BICC1: variants seen among roughly 807,000 people sequenced by gnomAD.
BICC1 encodes protein bicaudal C homolog 1.
BICC1 carries 43 observed loss-of-function variants against 111.0 expected under a neutral mutation model. The ratio of observed to expected loss-of-function variants is 0.39; its 90% CI spans 0.30 to 0.50. BICC1 has a LOEUF of 0.50. Ranked by LOEUF, BICC1 falls within the 20% of genes least tolerant of loss-of-function variation. The pLI, the probability that BICC1 is intolerant of heterozygous loss-of-function variation, is 0.88. For missense variants in BICC1, 1,091 were observed against 1,203.2 expected (o/e 0.91, Z 1.38); for synonymous variants, 467 against 434.4 (o/e 1.07, Z -0.93).
chr10:58,719,894 A>G (rs992057682), intron 3 of BICC1, among the ~76,000 whole-genome samples: 1 of 152,226 alleles, frequency 6.6e-6, no homozygotes, highest in African/African-American at 2.4e-5. Context: ...TTCCCAACTG[A>G]ACATAAATAC....
chr10:58,612,580 C>T (rs1357475933), intron 1 of BICC1, among the ~76,000 whole-genome samples: 2 of 138,456 alleles, frequency 1.4e-5, no homozygotes, highest in African/African-American at 5.5e-5. Context: ...CTCTTAGTTG[C>T]AAATGTGTTG....
At chr10:58,588,987 G>A (rs1182405240) in intron 1 of BICC1, among the ~76,000 whole-genome samples, 1 of 152,142 alleles carries the variant, frequency 6.6e-6, no homozygotes, top group Non-Finnish European at 1.5e-5. Context: ...AAAGGAGGGT[G>A]AGTTGGTCAC....
At chr10:58,694,825 T>C (rs755322875) in intron 2 of BICC1, among the ~76,000 whole-genome samples, 4 of 152,166 alleles carry the variant, frequency 2.6e-5, no homozygotes, top group Admixed American at 6.5e-5. Context: ...GCCACTCTGC[T>C]GCTGCTCAGT....
chr10:58,819,981 A>T (rs1057188518), intron 19 of BICC1, among the ~76,000 whole-genome samples: 17 of 152,160 alleles, frequency 1.1e-4, no homozygotes, highest in African/African-American at 4.1e-4. Context: ...AACACAAAGG[A>T]AGATGCCATC....
intron 1 of BICC1, among the ~76,000 whole-genome samples, chr10:58,536,412 G>C (rs1478894195): frequency 6.6e-6 from 1 of 151,508 alleles, no homozygotes; most frequent in Non-Finnish European, 1.5e-5. Context: ...TCAATTCCAA[G>C]AGTAATCCTC....
chr10:58,768,308 A>C (rs905042643), intron 3 of BICC1, among the ~76,000 whole-genome samples: 11 of 152,188 alleles, frequency 7.2e-5, no homozygotes, highest in African/African-American at 2.7e-4. Flanking sequence ...TGATATACTC[A>C]AAGTGCTGAA....
intron 1 of BICC1, among the ~76,000 whole-genome samples, chr10:58,617,083 C>T (rs967315027): frequency 6.6e-6 from 1 of 152,204 alleles, no homozygotes; most frequent in Non-Finnish European, 1.5e-5. Context: ...GCGCATGGAG[C>T]GCTTGAGAAT....
chr10:58,688,496 C>T (rs1311470459), intron 2 of BICC1, among the ~76,000 whole-genome samples: 4 of 152,086 alleles, frequency 2.6e-5, no homozygotes, highest in African/African-American at 4.8e-5. Context: ...GAAGCCCAGC[C>T]GGCTTCACCT....
chr10:58,752,145 G>T (rs886941011), intron 3 of BICC1, among the ~76,000 whole-genome samples: 7 of 152,120 alleles, frequency 4.6e-5, no homozygotes, highest in African/African-American at 1.7e-4. Context: ...AACCCACTTT[G>T]CTATAATTAT....
At chr10:58,551,956 GT>G (rs35454963) in intron 1 of BICC1, among the ~76,000 whole-genome samples, 1,982 of 112,810 alleles carry the variant, frequency 0.018, 34 homozygotes, top group Admixed American at 0.028. Flanking sequence ...ATAAAGACAA[GT>G]TTTTTTTGGG....
chr10:58,647,657 C>T (rs546411927), intron 2 of BICC1, among the ~76,000 whole-genome samples: 1 of 152,028 alleles, frequency 6.6e-6, no homozygotes, highest in Non-Finnish European at 1.5e-5. Flanking sequence ...AAGACTTTTC[C>T]AAATCCCAGA....
intron 1 of BICC1, among the ~76,000 whole-genome samples, chr10:58,567,464 A>G (rs1018713993): frequency 2.0e-5 from 3 of 151,806 alleles, no homozygotes; most frequent in African/African-American, 4.8e-5. Flanking sequence ...GGGGATATGT[A>G]TATGTGTTCT....
chr10:58,589,083 G>A (rs1185234779), intron 1 of BICC1, among the ~76,000 whole-genome samples: 1 of 152,194 alleles, frequency 6.6e-6, no homozygotes, highest in Non-Finnish European at 1.5e-5. Context: ...GGTGACACCG[G>A]TGACGGTGAT....
intron 3 of BICC1, among the ~76,000 whole-genome samples, chr10:58,765,776 C>G (rs776091776): frequency 5.3e-5 from 8 of 152,214 alleles, no homozygotes; most frequent in Non-Finnish European, 1.0e-4. Context: ...CTCTGGTGCT[C>G]TGCACTTACT....
chr10:58,649,821 A>T (rs1838387545), intron 2 of BICC1, among the ~76,000 whole-genome samples: 1 of 147,938 alleles, frequency 6.8e-6, no homozygotes, highest in South Asian at 2.2e-4. Flanking sequence ...CATGTATAGG[A>T]ACTAAGGCAC....
intron 3 of BICC1, among the ~76,000 whole-genome samples, chr10:58,702,918 CT>C (rs1354324599): frequency 1.3e-5 from 2 of 152,104 alleles, no homozygotes; most frequent in Admixed American, 6.5e-5. Flanking sequence ...CCATCATGGT[CT>C]GGCATTGTTA....
chr10:58,740,492 G>A (rs918054131), intron 3 of BICC1, among the ~76,000 whole-genome samples: 2 of 152,110 alleles, frequency 1.3e-5, no homozygotes, highest in African/African-American at 4.8e-5. Context: ...TTATTTGATT[G>A]TGTTGGGGCT....
In BICC1 at chr10:58,800,327, G is replaced by T. The variant is rs772727607; in HGVS notation, c.1858+1G>T. On this transcript the variant is annotated splice_donor_variant, in intron 13 of 20. Coordinates refer to ENST00000373886, the MANE Select transcript of BICC1 (RefSeq NM_001080512.3). LOFTEE classifies it high-confidence loss of function. ...TCTCCCAAATCAAGCCCCACTGAAGGTCGGGAACTGTACCCTTCTGAAATT... is the reference window on the plus strand; with the variant it reads ...TCTCCCAAATCAAGCCCCACTGAAGTTCGGGAACTGTACCCTTCTGAAATT... 1 of 1,613,166 alleles carries T rather than the reference G, an allele frequency of 6.2e-7. No individual in the cohort carries two copies. The highest frequency in any genetic ancestry group is 8.5e-7 in the Non-Finnish European group (1 of 1,179,528).
chr10:58,513,411 C>T, intron 1 of BICC1, 78 bp downstream of exon 1: 3 of 1,339,660 alleles, frequency 2.2e-6, no homozygotes, highest in African/African-American at 1.7e-5. Flanking sequence ...CGCGCTCCGG[C>T]GCCCGCTACT....
Sources: allele counts gnomAD v4.1 joint callset (sites outside exome capture counted in the v4.1 genomes callset), GRCh38; gene constraint gnomAD v4.1.1; transcripts MANE v1.5; gene names NCBI Gene and HGNC (gene_info 2026-07-23, HGNC 2026-07-21).